Variants in DMD observed in about 807,000 individuals in gnomAD.
DMD encodes the protein mutant dystrophin.
DMD carries 63 observed loss-of-function variants against 330.1 expected under a neutral mutation model. That is an observed-to-expected ratio of 0.19 (90% CI 0.16 to 0.24). DMD has a LOEUF of 0.24. Among genes scored for constraint, DMD ranks in the 10% least tolerant of loss-of-function variants. The pLI, the probability that DMD is intolerant of heterozygous loss-of-function variation, is 1.00. For synonymous variants in DMD, 1,223 were observed against 959.8 expected (o/e 1.27, Z -5.07); for missense variants, 3,344 against 2,684.1 (o/e 1.25, Z -5.43).
At chrX:31,868,454 T>A (rs1263826753) in intron 48 of DMD, among the ~76,000 whole-genome samples, 1 of 111,872 alleles carries the variant, frequency 8.9e-6, no homozygotes, top group Non-Finnish European at 1.9e-5. Flanking sequence ...ATATAATTAT[T>A]TGCATAGGCT....
intron 40 of DMD, 127 bp from the exon 41 acceptor site, chrX:32,342,409 A>G: frequency 1.4e-6 from 1 of 698,850 alleles, no homozygotes; most frequent in Non-Finnish European, 2.1e-6. Context: ...TTTGAAGTTT[A>G]CAAATATGAA....
chrX:31,792,297 T>C (rs1202463379), intron 50 of DMD, among the ~76,000 whole-genome samples: 3 of 112,549 alleles, frequency 2.7e-5, no homozygotes, highest in Non-Finnish European at 1.9e-5. Flanking sequence ...TTATGAGAAA[T>C]GTCACATCTC....
At chrX:32,517,079 T>C (rs1055777142) in intron 18 of DMD, 2 of 111,430 alleles carry the variant, frequency 1.8e-5, no homozygotes, top group African/African-American at 6.5e-5. Flanking sequence ...CAGCAAACAT[T>C]AGCTTGTAAC....
At chrX:32,126,405 A>G (rs773836381) in intron 44 of DMD, among the ~76,000 whole-genome samples, 81 of 111,831 alleles carry the variant, frequency 7.2e-4, no homozygotes, top group African/African-American at 2.5e-3. Context: ...TCACGACACA[A>G]ACACCCACAC....
chrX:33,202,250 C>T (rs1371173614), intron 1 of DMD, among the ~76,000 whole-genome samples: 3 of 111,536 alleles, frequency 2.7e-5, no homozygotes, highest in South Asian at 3.7e-4. Flanking sequence ...CTATTAAAAT[C>T]TGAGAGATCG....
chrX:31,297,352 T>C (rs2054267512), intron 62 of DMD, among the ~76,000 whole-genome samples: 1 of 111,037 alleles, frequency 9.0e-6, no homozygotes, highest in African/African-American at 3.3e-5. Context: ...AAGTGACTAG[T>C]AGTGAATGTG....
At chrX:33,277,807 GA>G (rs2053259275) in intron 1 of DMD, among the ~76,000 whole-genome samples, 1 of 111,398 alleles carries the variant, frequency 9.0e-6, no homozygotes, top group Non-Finnish European at 1.9e-5. Flanking sequence ...TGTTACTTCA[GA>G]AATGTTACAC....
chrX:31,223,760 T>C (rs1211368926), intron 63 of DMD, among the ~76,000 whole-genome samples: 1 of 112,180 alleles, frequency 8.9e-6, no homozygotes, highest in Non-Finnish European at 1.9e-5. Flanking sequence ...TTGGGCAACA[T>C]AGTGAGATCC....
In DMD at chrX:32,811,178, T is replaced by TTTAAA. The variant is rs1363211065; in HGVS notation, c.531-1568_531-1567insTTTAA. Among the ~76,000 whole-genome samples the TTTAAA allele has an allele frequency of 2.6e-3, 223 of 86,499 alleles. 2 individuals are homozygous for TTTAAA. Among genetic ancestry groups the TTTAAA allele is most frequent in the African/African-American group, 8.4e-3 (199 of 23,811 alleles). 75.1% of individuals were successfully genotyped at this position (86,499 alleles called of 115,157 possible). ...GTGAGACCTGGTCTCTACAACTTAT[T>TTTAAA]AAAAAAAAAAAAAAAAAATAGCCAA... On this transcript the variant is annotated intron_variant, in intron 6 of 78. Transcript: ENST00000357033.
intron 12 of DMD, among the ~76,000 whole-genome samples, chrX:32,605,409 G>A (rs890219794): frequency 2.7e-5 from 3 of 110,261 alleles, no homozygotes; most frequent in Non-Finnish European, 5.7e-5. Context: ...AACTCAAAAT[G>A]TATTAAAGAC....
At chrX:32,856,141 T>A (rs2081534603) in intron 2 of DMD, among the ~76,000 whole-genome samples, 1 of 111,767 alleles carries the variant, frequency 8.9e-6, no homozygotes, top group African/African-American at 3.3e-5. Flanking sequence ...ATGGCTTATA[T>A]CCAACAGACA....
At chrX:32,273,073 T>C (rs1428323064) in intron 43 of DMD, among the ~76,000 whole-genome samples, 1 of 111,590 alleles carries the variant, frequency 9.0e-6, no homozygotes, top group East Asian at 2.8e-4. Context: ...AGTTGATGAA[T>C]GAGAAATTAC....
intron 44 of DMD, among the ~76,000 whole-genome samples, chrX:32,197,832 T>C (rs2097013691): frequency 9.0e-6 from 1 of 111,554 alleles, no homozygotes; most frequent in African/African-American, 3.3e-5. Flanking sequence ...TACTATTTTT[T>C]TGCGGTGAGA....
intron 1 of DMD, among the ~76,000 whole-genome samples, chrX:33,106,935 C>T (rs772819113): frequency 4.5e-5 from 5 of 112,178 alleles, no homozygotes; most frequent in Non-Finnish European, 9.4e-5. Flanking sequence ...AAGCAAGTGG[C>T]TGTAAGGTTT....
chrX:31,367,810 A>C (rs1167747108), intron 60 of DMD, among the ~76,000 whole-genome samples: 1 of 111,665 alleles, frequency 9.0e-6, no homozygotes, highest in Non-Finnish European at 1.9e-5. Flanking sequence ...CACTTACTGC[A>C]CTGATGGTTC....
chrX:31,302,599 C>T (rs67429742), intron 62 of DMD, among the ~76,000 whole-genome samples: 12,746 of 109,431 alleles, frequency 0.12, 1,141 homozygotes, highest in African/African-American at 0.28. Context: ...AAGGAAAGAA[C>T]CAGTGAACTT....
At chrX:31,655,891 GGAC>G (rs2080755829) in intron 54 of DMD, among the ~76,000 whole-genome samples, 1 of 111,897 alleles carries the variant, frequency 8.9e-6, no homozygotes, top group Non-Finnish European at 1.9e-5. Flanking sequence ...ACTAAGACAA[GGAC>G]AACAGAAGTA....
chrX:31,953,526 T>C (rs2095211551), intron 45 of DMD, among the ~76,000 whole-genome samples: 1 of 111,989 alleles, frequency 8.9e-6, no homozygotes, highest in Admixed American at 9.5e-5. Context: ...TAATCACTTT[T>C]TAATTTAGCA....
At chrX:33,327,807 C>A (rs1309223738) in intron 1 of DMD, among the ~76,000 whole-genome samples, 1 of 111,463 alleles carries the variant, frequency 9.0e-6, no homozygotes, top group East Asian at 2.8e-4. Flanking sequence ...CTGATTAGAG[C>A]TGTTTCACAA....
Sources: allele counts gnomAD v4.1 joint callset (sites outside exome capture counted in the v4.1 genomes callset), GRCh38; gene constraint gnomAD v4.1.1; transcripts MANE v1.5; gene names NCBI Gene and HGNC (gene_info 2026-07-23, HGNC 2026-07-21).